The following PDSS2 variants were observed in gnomAD, a reference collection of about 807,000 sequenced individuals.
PDSS2 encodes the protein all trans-polyprenyl-diphosphate synthase PDSS2.
Under a neutral mutation model 44.5 loss-of-function variants are expected in PDSS2, and 31 were observed. That is an observed-to-expected ratio of 0.70 (90% CI 0.52 to 0.94). The LOEUF (loss-of-function observed/expected upper bound fraction) is 0.94. Ranked by LOEUF, PDSS2 falls within the 40% of genes least tolerant of loss-of-function variation. The pLI, the probability that PDSS2 is intolerant of heterozygous loss-of-function variation, is 0.00. For missense variants in PDSS2, 452 were observed against 482.2 expected (o/e 0.94, Z 0.59); for synonymous variants, 157 against 180.3 (o/e 0.87, Z 1.03).
rs576925420 is a variant in PDSS2 at position 107,338,453 on chromosome 6, AG to A, written c.297-4122del. On this transcript the variant is annotated intron_variant, in intron 1 of 7. Coordinates refer to ENST00000369037, the MANE Select transcript of PDSS2 (RefSeq NM_020381.4). ...CTGCATGCCAGGCTTGGTGCTAAAC[AG>A]ACAGTGGAGAATATGATGAGGAGCA... Among the ~76,000 whole-genome samples the A allele has an allele frequency of 4.0e-3, 606 of 152,352 alleles. 1 individual carries two copies. Among genetic ancestry groups the A allele is most frequent in the Non-Finnish European group, 6.2e-3 (421 of 68,026 alleles).
chr6:107,263,926 C>T (rs1775328901), intron 3 of PDSS2, among the ~76,000 whole-genome samples: 1 of 150,784 alleles, frequency 6.6e-6, no homozygotes, highest in Non-Finnish European at 1.5e-5. Flanking sequence ...CCTTCTGCAT[C>T]CCTTTACCCT....
chr6:107,346,180 G>C (rs1562477588), intron 1 of PDSS2, among the ~76,000 whole-genome samples: 4 of 152,148 alleles, frequency 2.6e-5, no homozygotes, highest in Non-Finnish European at 1.5e-5. Context: ...ATATGTACTT[G>C]GAATAAATTA....
intron 2 of PDSS2, among the ~76,000 whole-genome samples, chr6:107,324,882 C>G (rs965209609): frequency 6.6e-6 from 1 of 152,014 alleles, no homozygotes; most frequent in Non-Finnish European, 1.5e-5. Flanking sequence ...AAGTGCTAGA[C>G]GAATTCTAAT....
chr6:107,262,144 G>C (rs562332074), intron 3 of PDSS2, among the ~76,000 whole-genome samples: 1 of 149,680 alleles, frequency 6.7e-6, no homozygotes, highest in Non-Finnish European at 1.5e-5. Flanking sequence ...TCCTGACCTC[G>C]TGATCTGCCC....
At chr6:107,245,982 C>T (rs903727254) in intron 3 of PDSS2, among the ~76,000 whole-genome samples, 16 of 152,114 alleles carry the variant, frequency 1.1e-4, no homozygotes, top group Non-Finnish European at 2.1e-4. Flanking sequence ...TTTTTCAGTA[C>T]TCCCATTCTG....
intron 3 of PDSS2, among the ~76,000 whole-genome samples, chr6:107,265,365 A>G (rs1033936350): frequency 1.3e-5 from 2 of 152,242 alleles, no homozygotes; most frequent in Non-Finnish European, 2.9e-5. Flanking sequence ...GTAGCACAAG[A>G]AAATGAGAAA....
At chr6:107,387,461 A>G (rs1779645977) in intron 1 of PDSS2, among the ~76,000 whole-genome samples, 2 of 152,198 alleles carry the variant, frequency 1.3e-5, no homozygotes, top group African/African-American at 4.8e-5. Context: ...TTTTGTAGGA[A>G]TAAGGGAGAG....
At chr6:107,289,345 C>T (rs1776267303) in intron 2 of PDSS2, among the ~76,000 whole-genome samples, 1 of 149,498 alleles carries the variant, frequency 6.7e-6, no homozygotes, top group Admixed American at 6.7e-5. Flanking sequence ...TGCACTCCAG[C>T]CTGGGTAACA....
chr6:107,368,420 T>A (rs1779028770), intron 1 of PDSS2, among the ~76,000 whole-genome samples: 2 of 152,096 alleles, frequency 1.3e-5, no homozygotes, highest in African/African-American at 2.4e-5. Context: ...TTTACTGAGA[T>A]AAAGAAGATC....
rs539297031 is a variant in PDSS2, at chr6:107,223,347, T to A, written c.703-11065A>T. Among the ~76,000 whole-genome samples, 14 of 150,886 alleles carry A rather than the reference T, an allele frequency of 9.3e-5. No homozygotes were observed. In the South Asian group the frequency reaches 2.7e-3, roughly 29 times the overall value. ...GAGTTTGAGACCAGCCTGGGCAACA[T>A]GGTGAAACTCTGTCTCTACCAAAAA... On this transcript the variant is annotated intron_variant, in intron 4 of 7. Coordinates refer to ENST00000369037, the MANE Select transcript of PDSS2 (RefSeq NM_020381.4).
intron 7 of PDSS2, among the ~76,000 whole-genome samples, chr6:107,163,512 C>A (rs1197773019): frequency 1.3e-5 from 2 of 152,144 alleles, no homozygotes; most frequent in Non-Finnish European, 2.9e-5. Flanking sequence ...CAAGGAAATC[C>A]TTTAGTTATG....
chr6:107,272,136 G>A (rs929241913), intron 3 of PDSS2, among the ~76,000 whole-genome samples: 2 of 150,584 alleles, frequency 1.3e-5, no homozygotes, highest in Non-Finnish European at 3.0e-5. Flanking sequence ...ACTGTGTAAG[G>A]GTCTCAGAAT....
At chr6:107,212,546 C>A (rs1057055160) in intron 4 of PDSS2, among the ~76,000 whole-genome samples, 3 of 152,050 alleles carry the variant, frequency 2.0e-5, no homozygotes, top group Non-Finnish European at 4.4e-5. Context: ...TTAAAATATA[C>A]CCTACAGGAT....
intron 7 of PDSS2, among the ~76,000 whole-genome samples, chr6:107,171,526 T>C (rs1771576342): frequency 6.6e-6 from 1 of 152,084 alleles, no homozygotes; most frequent in Non-Finnish European, 1.5e-5. Flanking sequence ...TTTTTTTTCT[T>C]TTTGAGACAG....
At chr6:107,394,912 T>C (rs1562510542) in intron 1 of PDSS2, among the ~76,000 whole-genome samples, 1 of 152,220 alleles carries the variant, frequency 6.6e-6, no homozygotes, top group African/African-American at 2.4e-5. Context: ...TTCTTCTGTG[T>C]AGCTCAGTTT....
chr6:107,226,266 T>G (rs1046599078), intron 4 of PDSS2, among the ~76,000 whole-genome samples: 2 of 152,094 alleles, frequency 1.3e-5, no homozygotes, highest in Non-Finnish European at 2.9e-5. Context: ...GAGCCGAGAT[T>G]GCGCCACTGC....
chr6:107,259,492 A>G (rs985659154), intron 3 of PDSS2, among the ~76,000 whole-genome samples: 1 of 151,744 alleles, frequency 6.6e-6, no homozygotes, highest in African/African-American at 2.4e-5. Flanking sequence ...GTGAAACCCC[A>G]CTTCTACTAA....
chr6:107,363,955 C>A (rs1229735859), intron 1 of PDSS2, among the ~76,000 whole-genome samples: 1 of 152,096 alleles, frequency 6.6e-6, no homozygotes, highest in Non-Finnish European at 1.5e-5. Flanking sequence ...GGTGTGTTTA[C>A]AATCCTTGAG....
chr6:107,163,239 G>C lies in PDSS2; in HGVS notation c.1042-8462C>G, dbSNP rs573086627. On this transcript the variant is annotated intron_variant, in intron 7 of 7. Coordinates refer to ENST00000369037, the MANE Select transcript of PDSS2 (RefSeq NM_020381.4). ...AATACTATGATAAAAGGGTAATTCA[G>C]ATTAGGGCAAAAGAGCAACCAGGAG... is the stretch of plus-strand genomic sequence containing the variant. Among the ~76,000 whole-genome samples the C allele has an allele frequency of 2.6e-5, 4 of 152,246 alleles. No homozygotes were observed. The South Asian group carries it at 8.3e-4, about 32-fold the overall frequency.
Sources: allele counts gnomAD v4.1 joint callset (sites outside exome capture counted in the v4.1 genomes callset), GRCh38; gene constraint gnomAD v4.1.1; transcripts MANE v1.5; gene names NCBI Gene and HGNC (gene_info 2026-07-23, HGNC 2026-07-21).